HUWE1: variants seen among roughly 807,000 people sequenced by gnomAD.
HUWE1 encodes the protein HECT, UBA and WWE domain containing E3 ubiquitin protein ligase 1, also known as E3 ubiquitin-protein ligase HUWE1.
A neutral mutation model predicts 299.4 loss-of-function variants in HUWE1; 18 were observed. The ratio of observed to expected loss-of-function variants is 0.06; its 90% confidence interval spans 0.04 to 0.09. HUWE1 has a LOEUF of 0.09. Among genes scored for constraint, HUWE1 ranks in the 10% least tolerant of loss-of-function variants. The probability of loss-of-function intolerance (pLI) is 1.00; values close to 1 mark genes in which losing one functional copy is unlikely to be tolerated. For missense variants in HUWE1, 1,832 were observed against 3,462.3 expected, an observed-to-expected ratio of 0.53 and a Z score of 11.82; for synonymous variants, 1,317 against 1,286.1, an observed-to-expected ratio of 1.02 and a Z score of -0.51.
In HUWE1 at chrX:53,554,862, T is replaced by G; in HGVS notation, c.8265A>C (p.Thr2755=). Residue 2755 remains threonine, a synonymous_variant, in exon 61 of 84, where the codon ACA becomes ACC. Transcript: ENST00000262854. ...PTTPSSTDAA[T]SESKETLGTL... Reference sequence around the variant, plus strand: ...TGCCAAGGGTCTCCTTGGACTCAGATGTAGCTGCATCAGTTGAAGATGGGG... The same window carrying G: ...TGCCAAGGGTCTCCTTGGACTCAGAGGTAGCTGCATCAGTTGAAGATGGGG... The G allele has an allele frequency of 8.3e-7, 1 of 1,202,018 alleles. No homozygotes were observed. Among genetic ancestry groups the G allele is most frequent in the Non-Finnish European group, 1.1e-6 (1 of 889,411 alleles).
At chrX:53,600,700 A>C (rs781804166) in intron 28 of HUWE1, among the ~76,000 whole-genome samples, 6 of 112,586 alleles carry the variant, frequency 5.3e-5, no homozygotes, top group Admixed American at 9.4e-5. Context: ...TTACCACTGG[A>C]CAATTTTATT....
intron 23 of HUWE1, among the ~76,000 whole-genome samples, chrX:53,614,256 ACTCT>A (rs1355623876): frequency 9.0e-6 from 1 of 110,716 alleles, no homozygotes; most frequent in African/African-American, 3.3e-5. Context: ...CGAGAGCAAA[ACTCT>A]CTCTCAAAAA....
intron 6 of HUWE1, among the ~76,000 whole-genome samples, chrX:53,645,911 G>T (rs782064415): frequency 3.7e-5 from 4 of 108,071 alleles, no homozygotes; most frequent in South Asian, 4.1e-4. Context: ...GGAAGGAAAA[G>T]AGACAAATAC....
At chrX:53,602,139 A>G (rs1337169301) in intron 28 of HUWE1, among the ~76,000 whole-genome samples, 1 of 112,052 alleles carries the variant, frequency 8.9e-6, no homozygotes, top group African/African-American at 3.2e-5. Flanking sequence ...AATCAATTTT[A>G]CATTTGTAGA....
chrX:53,575,941 C>A (rs1401012762), intron 44 of HUWE1, among the ~76,000 whole-genome samples, 153 bp from the exon 45 acceptor site: 4 of 112,416 alleles, frequency 3.6e-5, no homozygotes, highest in Non-Finnish European at 5.6e-5. Flanking sequence ...AGTGCCTCAC[C>A]CTAAAATTAC....
chrX:53,590,977 T>C (rs782391131), intron 34 of HUWE1, 23 bp downstream of exon 34: 17 of 1,208,442 alleles, frequency 1.4e-5, no homozygotes, highest in Admixed American at 2.2e-5. Context: ...TCCTGGAAAA[T>C]CACTGCTTCT....
intron 7 of HUWE1, among the ~76,000 whole-genome samples, chrX:53,642,742 G>A (rs985975331): frequency 3.6e-5 from 4 of 112,334 alleles, no homozygotes; most frequent in Non-Finnish European, 7.5e-5. Flanking sequence ...TAATTACTGA[G>A]TATGGGCATC....
At chrX:53,618,904 TAGAG>T (rs1465533720) in intron 19 of HUWE1, among the ~76,000 whole-genome samples, 5 of 107,831 alleles carry the variant, frequency 4.6e-5, no homozygotes, top group Non-Finnish European at 9.6e-5. Context: ...ATCCAGGTAA[TAGAG>T]AGGCACCAAG....
chrX:53,685,572 G>A (rs1443598386), intron 2 of HUWE1, among the ~76,000 whole-genome samples: 2 of 112,065 alleles, frequency 1.8e-5, no homozygotes, highest in Non-Finnish European at 3.8e-5. Context: ...ACAAAAATAT[G>A]ATCAATTTCG....
chrX:53,540,129 CTG>C (rs2061273119), intron 74 of HUWE1, among the ~76,000 whole-genome samples: 1 of 112,269 alleles, frequency 8.9e-6, no homozygotes, highest in African/African-American at 3.2e-5. Flanking sequence ...TCAAGAGAAT[CTG>C]TGGATTATTT....
intron 3 of HUWE1, among the ~76,000 whole-genome samples, chrX:53,663,501 G>A (rs1161279001): frequency 9.0e-6 from 1 of 110,609 alleles, no homozygotes; most frequent in Non-Finnish European, 1.9e-5. Flanking sequence ...CAACAAGAGT[G>A]AAACTCCATC....
intron 19 of HUWE1, among the ~76,000 whole-genome samples, chrX:53,619,597 A>G (rs1182498129): frequency 1.9e-5 from 2 of 107,802 alleles, no homozygotes; most frequent in East Asian, 5.7e-4. Flanking sequence ...GAAGAAAAAA[A>G]AAAAAAAAAA....
chrX:53,564,103 C>T (rs2062420471), intron 51 of HUWE1, among the ~76,000 whole-genome samples: 1 of 112,068 alleles, frequency 8.9e-6, no homozygotes, highest in African/African-American at 3.2e-5. Context: ...AAGCCAGCAG[C>T]TTAGGACCAC....
intron 59 of HUWE1, 24 bp from the exon 60 acceptor site, chrX:53,557,451 A>G (rs1556936200): frequency 3.4e-6 from 4 of 1,177,952 alleles, no homozygotes; most frequent in East Asian, 3.0e-5. Context: ...GGATAGACCA[A>G]TGTGGGACTT....
At chrX:53,623,899 G>A (rs1362434253) in intron 19 of HUWE1, among the ~76,000 whole-genome samples, 1 of 112,167 alleles carries the variant, frequency 8.9e-6, no homozygotes, top group Non-Finnish European at 1.9e-5. Flanking sequence ...CTACTACAAG[G>A]AGACTTTCCC....
chrX:53,543,178 C>T (rs1285096138), intron 73 of HUWE1, among the ~76,000 whole-genome samples: 7 of 110,355 alleles, frequency 6.3e-5, no homozygotes, highest in African/African-American at 2.3e-4. Flanking sequence ...AAAGAAATAT[C>T]GGGTCTTAGG....
In HUWE1 at chrX:53,647,647, T is replaced by C; in HGVS notation, c.145-73A>G. On this transcript the variant is annotated intron_variant, in intron 5 of 83. Coordinates refer to ENST00000262854, the MANE Select transcript of HUWE1 (RefSeq NM_031407.7). The stretch of plus-strand genomic sequence containing the variant: ...GCATGGGTGCTTTCTAACTGAGCTT[T>C]GTTACAAGAGATTGCTGAGCATGAC... 3 of 774,848 alleles carry C rather than the reference T, an allele frequency of 3.9e-6. No homozygotes were observed. The South Asian group carries it at 6.2e-5, about 16-fold the overall frequency. The allele number at this position is 774,848 out of a possible 1,213,427, so 63.9% of individuals were successfully genotyped here.
chrX:53,549,914 G>A (rs1010677221), intron 66 of HUWE1, among the ~76,000 whole-genome samples: 6 of 109,942 alleles, frequency 5.5e-5, no homozygotes, highest in Non-Finnish European at 1.1e-4. Flanking sequence ...CACCACACCC[G>A]ACTACTTTTT....
chrX:53,558,830 T>A (rs372645027), intron 58 of HUWE1, 21 bp from the exon 59 acceptor site: 1 of 1,208,757 alleles, frequency 8.3e-7, no homozygotes, highest in African/African-American at 1.8e-5. Flanking sequence ...GAGGCAAAAA[T>A]CAAAGGCTGC....
Sources: gnomAD v4.1 joint callset for allele counts (sites outside exome capture counted in the v4.1 genomes callset) on GRCh38, gnomAD v4.1.1 for gene constraint, MANE v1.5 for transcripts, NCBI Gene and HGNC (gene_info 2026-07-23, HGNC 2026-07-21) for gene names.